SORCS2: variants seen among roughly 807,000 people sequenced by gnomAD.
SORCS2 encodes the protein VPS10 domain-containing receptor SorCS2.
SORCS2 carries 100 observed loss-of-function variants against 141.6 expected under a neutral mutation model. That is an observed-to-expected ratio of 0.71 (90% confidence interval 0.60 to 0.83). The LOEUF is 0.83. Among genes scored for constraint, SORCS2 ranks in the 40% least tolerant of loss-of-function variants. The probability of loss-of-function intolerance (pLI) is 0.00; values close to 1 mark genes in which losing one functional copy is unlikely to be tolerated. For synonymous variants in SORCS2, 789 were observed against 676.9 expected, an observed-to-expected ratio of 1.17 and a Z score of -2.57; for missense variants, 1,646 against 1,560.2, an observed-to-expected ratio of 1.05 and a Z score of -0.93.
chr4:7,376,640 C>T (rs1290039135), intron 1 of SORCS2, among the ~76,000 whole-genome samples: 3 of 152,198 alleles, frequency 2.0e-5, no homozygotes, highest in African/African-American at 7.2e-5. Flanking sequence ...TTTTCTCACT[C>T]AGGCATATTT....
In SORCS2 at chr4:7,740,656, T is replaced by G; in HGVS notation, c.*392T>G. On this transcript the variant is annotated 3_prime_UTR_variant, in exon 27 of 27. Coordinates refer to ENST00000507866, the MANE Select transcript of SORCS2 (RefSeq NM_020777.3). The stretch of plus-strand genomic sequence containing the variant: ...GCTGCAGACCCGTTCAGACACTGCG[T>G]TGCGGGCTCCTTCCCCGCAGAGGCC... 1 of 280,376 alleles carries G rather than the reference T, an allele frequency of 3.6e-6. No individual in the cohort carries two copies. The highest frequency in any genetic ancestry group is 6.8e-6 in the Non-Finnish European group (1 of 147,048). The allele number at this position is 280,376 out of a possible 1,614,324, so 17.4% of individuals were successfully genotyped here. A position where few individuals can be genotyped will look rare whatever the true frequency, so the allele number is the denominator to read the frequency against.
intron 1 of SORCS2, among the ~76,000 whole-genome samples, chr4:7,265,726 C>G (rs1714678796): frequency 6.6e-6 from 1 of 152,196 alleles, no homozygotes. Flanking sequence ...GTGAGCTCAT[C>G]TGGAGATCTT....
chr4:7,523,285 C>T (rs1733457608), intron 2 of SORCS2, among the ~76,000 whole-genome samples: 1 of 152,160 alleles, frequency 6.6e-6, no homozygotes, highest in South Asian at 2.1e-4. Flanking sequence ...AGTGCTTAGA[C>T]TCAAATACTC....
At chr4:7,544,430 G>T (rs1292134463) in intron 3 of SORCS2, among the ~76,000 whole-genome samples, 1 of 152,196 alleles carries the variant, frequency 6.6e-6, no homozygotes, top group African/African-American at 2.4e-5. Context: ...GCAGACCTTA[G>T]TGGGAGCATA....
intron 8 of SORCS2, among the ~76,000 whole-genome samples, chr4:7,675,181 T>G (rs761619960): frequency 3.3e-5 from 5 of 152,246 alleles, no homozygotes; most frequent in African/African-American, 7.2e-5. Context: ...TTTTGGGTTT[T>G]GGCTGCTTCC....
intron 3 of SORCS2, among the ~76,000 whole-genome samples, chr4:7,632,438 G>A (rs1449755270): frequency 1.3e-5 from 2 of 152,172 alleles, no homozygotes; most frequent in Non-Finnish European, 2.9e-5. Context: ...GATGCTAATT[G>A]ATTTGTTTTC....
intron 2 of SORCS2, among the ~76,000 whole-genome samples, chr4:7,504,938 G>C (rs1352486506): frequency 1.3e-5 from 2 of 152,216 alleles, no homozygotes; most frequent in Non-Finnish European, 2.9e-5. Flanking sequence ...CCGGCCACCT[G>C]TCATGCATGA....
intron 8 of SORCS2, among the ~76,000 whole-genome samples, chr4:7,675,089 T>C (rs1723030280): frequency 6.6e-6 from 1 of 152,232 alleles, no homozygotes; most frequent in South Asian, 2.1e-4. Context: ...CTTTTACTCT[T>C]GCCTCCCACA....
At chr4:7,566,308 G>A (rs1372203134) in intron 3 of SORCS2, among the ~76,000 whole-genome samples, 2 of 151,378 alleles carry the variant, frequency 1.3e-5, no homozygotes, top group Admixed American at 1.3e-4. Flanking sequence ...TGATGGTGAT[G>A]ATGGTGATAA....
chr4:7,737,196 C>A (rs1332808936), intron 26 of SORCS2, 24 bp downstream of exon 26: 6 of 1,550,452 alleles, frequency 3.9e-6, no homozygotes, highest in Non-Finnish European at 4.4e-6. Context: ...AGATGATGAT[C>A]TCGACTCGCA....
chr4:7,646,032 G>A (rs148779261), intron 4 of SORCS2, among the ~76,000 whole-genome samples: 1 of 152,386 alleles, frequency 6.6e-6, no homozygotes, highest in East Asian at 1.9e-4. Flanking sequence ...AGTCAAACGT[G>A]TTCATTCGGT....
At chr4:7,353,621 C>T (rs1721081425) in intron 1 of SORCS2, among the ~76,000 whole-genome samples, 1 of 152,182 alleles carries the variant, frequency 6.6e-6, no homozygotes, top group Non-Finnish European at 1.5e-5. Context: ...GCCTCCTGCC[C>T]TGAGCGTGCT....
At chr4:7,597,717 G>C (rs1041159104) in intron 3 of SORCS2, among the ~76,000 whole-genome samples, 1 of 149,972 alleles carries the variant, frequency 6.7e-6, no homozygotes, top group Non-Finnish European at 1.5e-5. Context: ...AGGGGGGAGA[G>C]GCTATTGCAA....
At chr4:7,640,061 GTGTT>G (rs997171658) in intron 4 of SORCS2, among the ~76,000 whole-genome samples, 16 of 151,204 alleles carry the variant, frequency 1.1e-4, no homozygotes, top group African/African-American at 3.6e-4. Flanking sequence ...GTGAGTGTGT[GTGTT>G]TATGAGTGTG....
chr4:7,665,047 C>T (rs1268844292), intron 7 of SORCS2, among the ~76,000 whole-genome samples: 1 of 152,188 alleles, frequency 6.6e-6, no homozygotes, highest in East Asian at 1.9e-4. Flanking sequence ...TTTCTTCTGG[C>T]CCTGAGACAG....
At chr4:7,400,096 C>T (rs2109122887) in intron 2 of SORCS2, among the ~76,000 whole-genome samples, 1 of 152,278 alleles carries the variant, frequency 6.6e-6, no homozygotes, top group East Asian at 1.9e-4. Flanking sequence ...TAAAATCCTT[C>T]CAGGGTACTT....
At chr4:7,401,769 C>A (rs1044077923) in intron 2 of SORCS2, among the ~76,000 whole-genome samples, 2 of 152,182 alleles carry the variant, frequency 1.3e-5, no homozygotes, top group Admixed American at 1.3e-4. Flanking sequence ...TGACCTCAAG[C>A]AGGACCTTCA....
intron 2 of SORCS2, among the ~76,000 whole-genome samples, chr4:7,455,836 G>T (rs1577594393): frequency 1.3e-5 from 2 of 152,208 alleles, no homozygotes; most frequent in African/African-American, 4.8e-5. Flanking sequence ...GTCATGCTCT[G>T]TACTGGGTTC....
At position 7,409,624 on chromosome 4, in the gene SORCS2, A is replaced by G. The variant is rs527386032; in HGVS notation, c.548+13269A>G. On this transcript the variant is annotated intron_variant, in intron 2 of 26. Coordinates refer to ENST00000507866, the MANE Select transcript of SORCS2 (RefSeq NM_020777.3). ...ATGGGGAAGCTGGTTGTCCACCTCA[A>G]TCCCACTTTTTCCAGGGCAGAAACA... Among the ~76,000 whole-genome samples the G allele has an allele frequency of 2.0e-5, 3 of 152,246 alleles. No homozygotes were observed. In the East Asian group the frequency reaches 5.8e-4, roughly 29 times the overall value.
Sources: gnomAD v4.1 joint callset for allele counts (sites outside exome capture counted in the v4.1 genomes callset) on GRCh38, gnomAD v4.1.1 for gene constraint, MANE v1.5 for transcripts, NCBI Gene and HGNC (gene_info 2026-07-23, HGNC 2026-07-21) for gene names.